Variants in EXPH5 observed in about 807,000 individuals in gnomAD.
EXPH5 encodes the protein exophilin-5.
A neutral mutation model predicts 41.1 loss-of-function variants in EXPH5; 42 were observed. The observed-to-expected ratio is 1.02, with a 90% CI of 0.80 to 1.32. The LOEUF (loss-of-function observed/expected upper bound fraction) is 1.32, where lower values mean the gene tolerates loss of function less well. Ranked by LOEUF, EXPH5 falls within the 40% of genes most tolerant of loss-of-function variation. EXPH5 has a pLI of 0.00. For synonymous variants in EXPH5, 798 were observed against 833.5 expected (o/e 0.96, Z 0.73); for missense variants, 2,298 against 2,314.5 (o/e 0.99, Z 0.15).
At chr11:108,516,944 A>G (rs933420359) in intron 5 of EXPH5, among the ~76,000 whole-genome samples, 5 of 152,248 alleles carry the variant, frequency 3.3e-5, no homozygotes, top group Admixed American at 6.5e-5. Flanking sequence ...ATCTATCTTT[A>G]AAACAAATTA....
intron 1 of EXPH5, among the ~76,000 whole-genome samples, chr11:108,567,033 T>G (rs2094037743): frequency 6.6e-6 from 1 of 152,228 alleles, no homozygotes; most frequent in Non-Finnish European, 1.5e-5. Context: ...TCTCTTCTAT[T>G]TAACATTTAC....
chr11:108,507,098 A>G lies in EXPH5; in HGVS notation c.*2439T>C, dbSNP rs1324396620. On this transcript the variant is annotated 3_prime_UTR_variant, in exon 6 of 6. Coordinates refer to ENST00000265843, the MANE Select transcript of EXPH5 (RefSeq NM_015065.3). The stretch of plus-strand genomic sequence containing the variant: ...GAAATAGTGTTATTTATTCTTTACC[A>G]TACAAATTTGCATTGAAAAGTTCAC... The G allele has an allele frequency of 1.3e-5, 2 of 152,248 alleles. No individual in the cohort carries two copies. The highest frequency in any genetic ancestry group is 2.9e-5 in the Non-Finnish European group (2 of 68,042). 9.4% of individuals were successfully genotyped at this position (152,248 alleles called of 1,614,324 possible).
intron 1 of EXPH5, among the ~76,000 whole-genome samples, chr11:108,543,615 G>A (rs567429410): frequency 3.9e-5 from 6 of 152,180 alleles, no homozygotes; most frequent in Non-Finnish European, 5.9e-5. Flanking sequence ...TATTGCTAAG[G>A]GGGTGATGAG....
upstream of EXPH5, among the ~76,000 whole-genome samples, chr11:108,594,874 TA>T (rs1207886270): frequency 6.6e-6 from 1 of 152,266 alleles, no homozygotes; most frequent in Non-Finnish European, 1.5e-5. Flanking sequence ...CATCATTATT[TA>T]AAACATGCCT....
chr11:108,532,639 C>T (rs1400166383), intron 3 of EXPH5, among the ~76,000 whole-genome samples: 2 of 151,714 alleles, frequency 1.3e-5, no homozygotes, highest in Non-Finnish European at 2.9e-5. Context: ...TTTGTATGAC[C>T]ATTTAAACAA....
intron 1 of EXPH5, among the ~76,000 whole-genome samples, chr11:108,575,171 T>C (rs1384985453): frequency 6.6e-6 from 1 of 152,220 alleles, no homozygotes; most frequent in Non-Finnish European, 1.5e-5. Context: ...AAGTTCATTA[T>C]AATCACAGCA....
At chr11:108,594,336 T>C (rs1293144799), upstream of EXPH5, among the ~76,000 whole-genome samples, 3 of 152,176 alleles carry the variant, frequency 2.0e-5, no homozygotes, top group Admixed American at 6.5e-5. Context: ...AAACCGTTTA[T>C]GGTATTTTAG....
At chr11:108,528,390 C>A (rs1224888512) in intron 3 of EXPH5, among the ~76,000 whole-genome samples, 1 of 152,200 alleles carries the variant, frequency 6.6e-6, no homozygotes, top group East Asian at 1.9e-4. Context: ...TACTTTACAT[C>A]TTTGTCCCTC....
At position 108,536,081 on chromosome 11, in the gene EXPH5, G is replaced by A. The variant is rs567987648; in HGVS notation, c.443+2943C>T. On this transcript the variant is annotated intron_variant, in intron 3 of 5. Coordinates refer to ENST00000265843, the MANE Select transcript of EXPH5 (RefSeq NM_015065.3). ...TTGAGGGAAAGCTACATGTACATAT[G>A]TATACTTTTCTTGGATTTATTGGCT... is the stretch of plus-strand genomic sequence containing the variant. Among the ~76,000 whole-genome samples, 5 of 152,284 alleles carry A rather than the reference G, an allele frequency of 3.3e-5. No individual in the cohort carries two copies. The South Asian group carries it at 1.0e-3, about 32-fold the overall frequency.
intron 1 of EXPH5, among the ~76,000 whole-genome samples, chr11:108,589,280 C>T (rs1171016299): frequency 1.3e-5 from 2 of 152,188 alleles, no homozygotes; most frequent in African/African-American, 4.8e-5. Context: ...AACTCTGCCC[C>T]TTAGCCAGAG....
intron 1 of EXPH5, among the ~76,000 whole-genome samples, chr11:108,551,844 T>A (rs1187571631): frequency 6.6e-6 from 1 of 152,102 alleles, no homozygotes; most frequent in Non-Finnish European, 1.5e-5. Flanking sequence ...AATCCAAACA[T>A]AATTTTGTCA....
At chr11:108,538,459 G>A (rs1170587692) in intron 3 of EXPH5, among the ~76,000 whole-genome samples, 6 of 152,168 alleles carry the variant, frequency 3.9e-5, no homozygotes. Flanking sequence ...TGCTCCTAAA[G>A]CTTCTCCTCC....
the EXPH5 span, among the ~76,000 whole-genome samples, chr11:108,603,126 T>C: frequency 6.6e-6 from 1 of 152,206 alleles, no homozygotes. Context: ...GATTGTGAGT[T>C]TCCTGAGGCC....
At position 108,512,424 on chromosome 11, in the gene EXPH5, C is replaced by A. The variant is rs760612077; in HGVS notation, c.3083G>T (p.Ser1028Ile). 1.2e-6 allele frequency: 2 copies of A among 1,611,616 alleles called. No homozygotes were observed. The highest frequency in any genetic ancestry group is 2.2e-5 in the South Asian group (2 of 90,244). ...IYCTLPRKSS[S>I]FLIHGRQSGS... ...TGACTGCCTGCCATGTATGAGAAAACTGCTTGATTTTCTTGGCAAGGTACA... is the reference window on the plus strand; with the variant it reads ...TGACTGCCTGCCATGTATGAGAAAAATGCTTGATTTTCTTGGCAAGGTACA... Residue 1028 changes from serine to isoleucine, a missense_variant, in exon 6 of 6, where the codon AGT becomes ATT. Coordinates refer to ENST00000265843, the MANE Select transcript of EXPH5 (RefSeq NM_015065.3).
intron 5 of EXPH5, among the ~76,000 whole-genome samples, chr11:108,517,429 C>T (rs2093733668): frequency 6.6e-6 from 1 of 152,222 alleles, no homozygotes; most frequent in African/African-American, 2.4e-5. Context: ...TGCTGTCCCA[C>T]ACAATATGGG....
At chr11:108,579,854 G>A (rs1170301096) in intron 1 of EXPH5, among the ~76,000 whole-genome samples, 2 of 152,218 alleles carry the variant, frequency 1.3e-5, no homozygotes, top group Non-Finnish European at 1.5e-5. Context: ...TGAGGAGTAG[G>A]AAAAGGGTTT....
intron 3 of EXPH5, chr11:108,538,140 C>T: frequency 1.0e-6 from 1 of 985,502 alleles, no homozygotes; most frequent in Non-Finnish European, 1.2e-6. Context: ...GCAGCCTCAT[C>T]ACACAACCCA....
intron 1 of EXPH5, among the ~76,000 whole-genome samples, chr11:108,567,208 A>G (rs1591746879): frequency 6.6e-6 from 1 of 152,340 alleles, no homozygotes; most frequent in East Asian, 1.9e-4. Flanking sequence ...GAGTTTACCC[A>G]CAATAAACAA....
At chr11:108,558,327 C>T (rs1222535998) in intron 1 of EXPH5, among the ~76,000 whole-genome samples, 1 of 152,232 alleles carries the variant, frequency 6.6e-6, no homozygotes, top group African/African-American at 2.4e-5. Context: ...CAAGCTCAAG[C>T]TATCCTCTGC....
Sources: allele counts gnomAD v4.1 joint callset (sites outside exome capture counted in the v4.1 genomes callset), GRCh38; gene constraint gnomAD v4.1.1; transcripts MANE v1.5; gene names NCBI Gene and HGNC (gene_info 2026-07-23, HGNC 2026-07-21).